GARRE1: variants seen among roughly 807,000 people sequenced by gnomAD.
GARRE1 encodes granule associated Rac and RHOG effector protein 1.
GARRE1 carries 49 observed loss-of-function variants against 103.2 expected under a neutral mutation model. That is an observed-to-expected ratio of 0.47 (90% confidence interval 0.38 to 0.60). The LOEUF (loss-of-function observed/expected upper bound fraction) is 0.60, where lower values mean the gene tolerates loss of function less well. GARRE1 is among the 20% of genes least tolerant of loss of function. The probability of loss-of-function intolerance (pLI) is 0.00; values close to 1 mark genes in which losing one functional copy is unlikely to be tolerated. For missense variants in GARRE1, 1,199 were observed against 1,370.5 expected (o/e 0.87, Z 1.98); for synonymous variants, 505 against 532.8 (o/e 0.95, Z 0.72).
intron 12 of GARRE1, 151 bp downstream of exon 12, chr19:34,349,304 G>C: frequency 1.3e-6 from 1 of 760,960 alleles, no homozygotes; most frequent in Non-Finnish European, 2.1e-6. Flanking sequence ...TGAAGCCTCT[G>C]AAGAGCACCT....
At chr19:34,289,665 A>G (rs932790350) in intron 1 of GARRE1, among the ~76,000 whole-genome samples, 1 of 151,726 alleles carries the variant, frequency 6.6e-6, no homozygotes, top group Non-Finnish European at 1.5e-5. Context: ...CAGAGGTTGC[A>G]GTGCGCCAAG....
chr19:34,349,988 A>G (rs534357955), intron 12 of GARRE1, among the ~76,000 whole-genome samples: 2 of 152,250 alleles, frequency 1.3e-5, no homozygotes, highest in African/African-American at 4.8e-5. Flanking sequence ...GAGCCTGGGA[A>G]GTTGAGGCTA....
chr19:34,329,872 G>A (rs1191506128), intron 6 of GARRE1, among the ~76,000 whole-genome samples: 1 of 152,016 alleles, frequency 6.6e-6, no homozygotes, highest in Non-Finnish European at 1.5e-5. Flanking sequence ...TTTCCCAGGA[G>A]TTCAAGACTA....
chr19:34,300,440 C>T lies in GARRE1; in HGVS notation c.-34C>T. 1 of 1,518,178 alleles carries T rather than the reference C, an allele frequency of 6.6e-7. No homozygotes were observed. Among genetic ancestry groups the T allele is most frequent in the East Asian group, 2.3e-5 (1 of 43,770 alleles). 94.0% of individuals were successfully genotyped at this position (1,518,178 alleles called of 1,614,324 possible). On this transcript the variant is annotated 5_prime_UTR_variant, in exon 2 of 14. Coordinates refer to ENST00000299505, the MANE Select transcript of GARRE1 (RefSeq NM_014686.5). ...AGAAAGAAGAATCAGAACCCTGACC[C>T]ACTTACGGTTGCTGGGACAATTCCC...
intron 9 of GARRE1, 95 bp downstream of exon 9, chr19:34,340,087 T>C: frequency 7.5e-7 from 1 of 1,324,568 alleles, no homozygotes; most frequent in Non-Finnish European, 1.1e-6. Flanking sequence ...TATACGGTAT[T>C]GTAAAGAAGG....
rs994254029 is a variant in GARRE1, at chr19:34,344,117, C to CA, written c.2521+1670dup. Among the ~76,000 whole-genome samples, 144 of 151,658 alleles carry CA rather than the reference C, an allele frequency of 9.5e-4. 1 individual carries two copies. Among genetic ancestry groups the CA allele is most frequent in the South Asian group, 2.3e-3 (11 of 4,810 alleles). The stretch of plus-strand genomic sequence containing the variant: ...TGATAATAGAATTGAACCCCCCCCA[C>CA]AAAAAAAACCATCTAAAATTAGTAA... On this transcript the variant is annotated intron_variant, in intron 10 of 13. Coordinates refer to ENST00000299505, the MANE Select transcript of GARRE1 (RefSeq NM_014686.5).
chr19:34,281,714 TG>T (rs2145222815), intron 1 of GARRE1, among the ~76,000 whole-genome samples: 1 of 152,252 alleles, frequency 6.6e-6, no homozygotes, highest in East Asian at 1.9e-4. Flanking sequence ...GCACTACACC[TG>T]GCCGAAACAC....
intron 3 of GARRE1, among the ~76,000 whole-genome samples, chr19:34,320,611 C>T (rs1208153569): frequency 1.3e-5 from 2 of 152,102 alleles, no homozygotes; most frequent in Non-Finnish European, 2.9e-5. Context: ...CACAGCAGGG[C>T]GAGAGCTCAG....
At position 34,287,056 on chromosome 19, in the gene GARRE1, G is replaced by A. The variant is rs543055249; in HGVS notation, c.-795-12623G>A. Among the ~76,000 whole-genome samples the A allele has an allele frequency of 8.6e-5, 13 of 151,126 alleles. No individual in the cohort carries two copies. In the South Asian group the frequency reaches 1.9e-3, roughly 22 times the overall value. On this transcript the variant is annotated intron_variant, in intron 1 of 13. Coordinates refer to ENST00000299505, the MANE Select transcript of GARRE1 (RefSeq NM_014686.5). ...CAGGAGGCTGAGGCAGGAGAATGGC[G>A]TGAACCCAGGGGGCGGAGCTTGCAG...
At chr19:34,292,685 C>T (rs949404584) in intron 1 of GARRE1, among the ~76,000 whole-genome samples, 1 of 152,168 alleles carries the variant, frequency 6.6e-6, no homozygotes, top group African/African-American at 2.4e-5. Flanking sequence ...ACCAATTCTC[C>T]TGCCTCAGCC....
intron 1 of GARRE1, among the ~76,000 whole-genome samples, chr19:34,255,699 CTG>C (rs2073667790): frequency 6.9e-6 from 1 of 144,206 alleles, no homozygotes; most frequent in Non-Finnish European, 1.5e-5. Flanking sequence ...TAATAAGAGA[CTG>C]TTGCCCAGGC....
intron 9 of GARRE1, among the ~76,000 whole-genome samples, chr19:34,340,387 T>G (rs2074180202): frequency 6.6e-6 from 1 of 151,950 alleles, no homozygotes; most frequent in South Asian, 2.1e-4. Context: ...ACTTGAGAAA[T>G]GTGTATACAT....
intron 1 of GARRE1, among the ~76,000 whole-genome samples, chr19:34,259,031 G>C (rs2073695622): frequency 6.6e-6 from 1 of 152,114 alleles, no homozygotes; most frequent in South Asian, 2.1e-4. Context: ...ATCTAGGTGT[G>C]GTGGTCCATG....
At chr19:34,296,312 G>A in intron 1 of GARRE1, 2 of 801,270 alleles carry the variant, frequency 2.5e-6, no homozygotes, top group Non-Finnish European at 2.1e-6. Flanking sequence ...GGGCACCTTT[G>A]GGAGCTTGAG....
chr19:34,350,378 C>G (rs1179818310), intron 12 of GARRE1, among the ~76,000 whole-genome samples: 1 of 152,148 alleles, frequency 6.6e-6, no homozygotes, highest in Non-Finnish European at 1.5e-5. Context: ...TGAGACTTTT[C>G]TTTCAGACAT....
At chr19:34,349,887 G>A (rs1417963791) in intron 12 of GARRE1, among the ~76,000 whole-genome samples, 1 of 151,986 alleles carries the variant, frequency 6.6e-6, no homozygotes. Flanking sequence ...GGTGGGGGGT[G>A]GCATTGACCA....
At position 34,348,956 on chromosome 19, in the gene GARRE1, G is replaced by T. The variant is rs1254394938; in HGVS notation, c.2688-60G>T. 3.8e-6 allele frequency: 6 copies of T among 1,593,726 alleles called. No homozygotes were observed. In the South Asian group the frequency reaches 5.5e-5, roughly 15 times the overall value. On this transcript the variant is annotated intron_variant, in intron 11 of 13. Coordinates refer to ENST00000299505, the MANE Select transcript of GARRE1 (RefSeq NM_014686.5). ...AGGGTAAGGACTGCCCTTTCAGGGTGGGGTGGCGGGTGGTGGGGCTGCAGG... is the reference window on the plus strand; with the variant it reads ...AGGGTAAGGACTGCCCTTTCAGGGTTGGGTGGCGGGTGGTGGGGCTGCAGG...
chr19:34,336,469 A>ATT (rs11343595), intron 8 of GARRE1, among the ~76,000 whole-genome samples: 3 of 134,110 alleles, frequency 2.2e-5, no homozygotes, highest in African/African-American at 2.8e-5. Context: ...GTGTTCCTGA[A>ATT]TTTTTTTTTT....
chr19:34,283,284 A>G (rs1209658358), intron 1 of GARRE1, among the ~76,000 whole-genome samples: 2 of 152,226 alleles, frequency 1.3e-5, no homozygotes, highest in Non-Finnish European at 2.9e-5. Flanking sequence ...TGCATAGTCC[A>G]TGTAAGTAGA....
Sources: gnomAD v4.1 joint callset for allele counts (sites outside exome capture counted in the v4.1 genomes callset) on GRCh38, gnomAD v4.1.1 for gene constraint, MANE v1.5 for transcripts, NCBI Gene and HGNC (gene_info 2026-07-23, HGNC 2026-07-21) for gene names.